The following KIAA1217 variants were observed in gnomAD, a reference collection of about 807,000 sequenced individuals.
KIAA1217 encodes the protein sickle tail protein homolog.
Under a neutral mutation model 163.9 loss-of-function variants are expected in KIAA1217, and 88 were observed. That is an observed-to-expected ratio of 0.54 (90% confidence interval 0.45 to 0.64). The LOEUF is 0.64. Ranked by LOEUF, KIAA1217 falls within the 30% of genes least tolerant of loss-of-function variation. The pLI, the probability that KIAA1217 is intolerant of heterozygous loss-of-function variation, is 0.00. For missense variants in KIAA1217, 2,372 were observed against 2,475.0 expected (o/e 0.96, Z 0.88); for synonymous variants, 903 against 923.1 (o/e 0.98, Z 0.39).
chr10:24,364,805 GT>G, intron 2 of KIAA1217, among the ~76,000 whole-genome samples: 1 of 134,634 alleles, frequency 7.4e-6, no homozygotes, highest in Admixed American at 7.5e-5. Context: ...TTTTTGTTTT[GT>G]TTTGACAGTG....
At chr10:24,484,212 T>TAG (rs1295628449) in intron 6 of KIAA1217, among the ~76,000 whole-genome samples, 3 of 135,142 alleles carry the variant, frequency 2.2e-5, no homozygotes, top group Admixed American at 7.7e-5. Flanking sequence ...TATATATAGA[T>TAG]AGATAGATAT....
intron 2 of KIAA1217, among the ~76,000 whole-genome samples, chr10:24,244,457 G>A (rs1249391023): frequency 6.6e-6 from 1 of 151,986 alleles, no homozygotes; most frequent in East Asian, 1.9e-4. Flanking sequence ...AGATGACCTT[G>A]CTTTTTCTCT....
At chr10:23,826,110 G>A (rs774049141) in intron 1 of KIAA1217, among the ~76,000 whole-genome samples, 1 of 152,012 alleles carries the variant, frequency 6.6e-6, no homozygotes, top group Non-Finnish European at 1.5e-5. Flanking sequence ...AGAGTGAGTT[G>A]AGTCTATCTA....
chr10:24,508,630 G>C (rs964354197), intron 9 of KIAA1217, among the ~76,000 whole-genome samples: 1 of 152,152 alleles, frequency 6.6e-6, no homozygotes, highest in Non-Finnish European at 1.5e-5. Context: ...TAAGTGACTT[G>C]AGCAAGATCA....
intron 5 of KIAA1217, among the ~76,000 whole-genome samples, chr10:24,454,089 GA>G (rs1008267696): frequency 2.9e-4 from 44 of 151,618 alleles, no homozygotes; most frequent in African/African-American, 8.0e-4. Flanking sequence ...AAAGAAAAAC[GA>G]AAAAAAACCA....
intron 14 of KIAA1217, among the ~76,000 whole-genome samples, chr10:24,528,766 G>C (rs913546969): frequency 7.9e-5 from 12 of 151,724 alleles, no homozygotes; most frequent in Non-Finnish European, 1.3e-4. Context: ...AGCAAGAGCT[G>C]GGAAAATATT....
chr10:24,170,584 T>C (rs1323664443), intron 2 of KIAA1217, among the ~76,000 whole-genome samples: 1 of 152,118 alleles, frequency 6.6e-6, no homozygotes, highest in Non-Finnish European at 1.5e-5. Flanking sequence ...GTCAGTGATA[T>C]AGAGAGGACA....
At chr10:23,919,082 A>G (rs1342291141) in intron 1 of KIAA1217, among the ~76,000 whole-genome samples, 4 of 152,006 alleles carry the variant, frequency 2.6e-5, no homozygotes, top group Non-Finnish European at 4.4e-5. Flanking sequence ...TGACTCCCCC[A>G]TCTCCCAACC....
At chr10:24,114,230 A>G (rs746950656) in intron 2 of KIAA1217, among the ~76,000 whole-genome samples, 46 of 152,190 alleles carry the variant, frequency 3.0e-4, no homozygotes, top group Non-Finnish European at 5.4e-4. Context: ...ACACTCCAGA[A>G]GGAGCTGCAA....
chr10:24,383,457 G>C (rs1047336906), intron 3 of KIAA1217, among the ~76,000 whole-genome samples: 1 of 152,214 alleles, frequency 6.6e-6, no homozygotes, highest in Non-Finnish European at 1.5e-5. Flanking sequence ...GCAGGAGCTG[G>C]GGCCGGCTTG....
chr10:24,209,144 G>T lies in KIAA1217; in HGVS notation c.-50G>T. 6.4e-7 allele frequency: 1 copy of T among 1,566,652 alleles called. No individual in the cohort carries two copies. Among genetic ancestry groups the T allele is most frequent in the African/African-American group, 1.4e-5 (1 of 74,062 alleles). On this transcript the variant is annotated 5_prime_UTR_variant, in exon 1 of 21. Transcript: ENST00000376454. ...GCGCTTTCTGGGAGCTTTTAGAACT[G>T]CGCTCTGAAGTTTCCAGAGAGCGAG...
At chr10:24,325,040 C>T (rs1053584224) in intron 2 of KIAA1217, among the ~76,000 whole-genome samples, 2 of 152,096 alleles carry the variant, frequency 1.3e-5, no homozygotes, top group African/African-American at 4.8e-5. Context: ...CGGTCAGTTG[C>T]CACCTTCTCT....
chr10:23,803,452 C>A (rs1476769361), intron 1 of KIAA1217, among the ~76,000 whole-genome samples: 2 of 152,202 alleles, frequency 1.3e-5, no homozygotes, highest in African/African-American at 2.4e-5. Flanking sequence ...CAATCTGGGA[C>A]ATCTCTGAAA....
At chr10:24,428,056 T>G (rs933723637) in intron 3 of KIAA1217, among the ~76,000 whole-genome samples, 1 of 152,178 alleles carries the variant, frequency 6.6e-6, no homozygotes, top group Admixed American at 6.5e-5. Flanking sequence ...GCCCATTTTT[T>G]TTCCTGCTCC....
chr10:24,283,108 C>T (rs1407539481), intron 2 of KIAA1217, among the ~76,000 whole-genome samples: 2 of 151,628 alleles, frequency 1.3e-5, no homozygotes, highest in Admixed American at 6.6e-5. Flanking sequence ...GCTGGGATTA[C>T]AGGCATGAGC....
chr10:23,855,531 C>T (rs570526391), intron 1 of KIAA1217, among the ~76,000 whole-genome samples: 1 of 152,238 alleles, frequency 6.6e-6, no homozygotes, highest in Non-Finnish European at 1.5e-5. Flanking sequence ...TTGCGGCATT[C>T]TCTGTATTTC....
chr10:24,157,409 G>A (rs1362425766), intron 2 of KIAA1217, among the ~76,000 whole-genome samples: 16 of 152,176 alleles, frequency 1.1e-4, no homozygotes, highest in Admixed American at 1.0e-3. Context: ...TATCAGATGT[G>A]TGTTTTGCAA....
chr10:24,376,178 G>A (rs556011818), intron 2 of KIAA1217, among the ~76,000 whole-genome samples: 37 of 152,296 alleles, frequency 2.4e-4, no homozygotes, highest in African/African-American at 8.4e-4. Context: ...ACATAAATGC[G>A]GAAAGCCAGA....
At chr10:23,697,489 A>G (rs1029794688) in intron 1 of KIAA1217, among the ~76,000 whole-genome samples, 1 of 152,084 alleles carries the variant, frequency 6.6e-6, no homozygotes, top group African/African-American at 2.4e-5. Flanking sequence ...AAGGTGAGTA[A>G]TAAGGATTCC....
Sources: allele counts gnomAD v4.1 joint callset (sites outside exome capture counted in the v4.1 genomes callset), GRCh38; gene constraint gnomAD v4.1.1; transcripts MANE v1.5; gene names NCBI Gene and HGNC (gene_info 2026-07-23, HGNC 2026-07-21).